Variants in PKHD1 observed in about 807,000 individuals in gnomAD.
The protein encoded by PKHD1 is PKHD1 ciliary IPT domain containing fibrocystin/polyductin.
Under a neutral mutation model 412.0 loss-of-function variants are expected in PKHD1, and 291 were observed. The observed-to-expected ratio is 0.71, with a 90% CI of 0.64 to 0.78. The LOEUF (loss-of-function observed/expected upper bound fraction) is 0.78. PKHD1 is among the 30% of genes least tolerant of loss of function. The pLI is 0.00. For synonymous variants in PKHD1, 1,777 were observed against 1,821.5 expected (o/e 0.98, Z 0.62); for missense variants, 4,825 against 4,950.7 (o/e 0.97, Z 0.76).
chr6:51,664,512 T>C (rs1023043605), intron 60 of PKHD1, among the ~76,000 whole-genome samples: 2 of 152,174 alleles, frequency 1.3e-5, no homozygotes, highest in African/African-American at 2.4e-5. Context: ...TTATGACCCA[T>C]TGGCATTTTG....
intron 60 of PKHD1, among the ~76,000 whole-genome samples, chr6:51,686,015 T>C (rs779129273): frequency 6.6e-6 from 1 of 152,126 alleles, no homozygotes; most frequent in Non-Finnish European, 1.5e-5. Context: ...TGACACTTCT[T>C]AAGTTTCTAT....
chr6:52,008,567 T>C lies in PKHD1; in HGVS notation c.5751+1742A>G, dbSNP rs538925837. 3.9e-5 allele frequency among the ~76,000 whole-genome samples: 6 copies of C among 152,228 alleles called. No homozygotes were observed. In the South Asian group the frequency reaches 1.2e-3, roughly 32 times the overall value. On this transcript the variant is annotated intron_variant, in intron 35 of 66. Transcript: ENST00000371117. ...AATTAGACTTTGAGATGATGGGAAA[T>C]TAAATAAATCTAAGAAGTGAAATGA...
In PKHD1 at chr6:51,904,050, C is replaced by A; in HGVS notation, c.6809-8G>T. 1 of 1,570,198 alleles carries A rather than the reference C, an allele frequency of 6.4e-7. No individual in the cohort carries two copies. The highest frequency in any genetic ancestry group is 1.7e-5 in the Admixed American group (1 of 59,846). On this transcript the variant is annotated splice_polypyrimidine_tract_variant and splice_region_variant and intron_variant, in intron 41 of 66. Coordinates refer to ENST00000371117, the MANE Select transcript of PKHD1 (RefSeq NM_138694.4). Reference sequence around the variant, plus strand: ...TCATCTCCGTGCATGTCCCTGAGAACAAAAGACCCCATTACTTGAGTATAT... The same window carrying A: ...TCATCTCCGTGCATGTCCCTGAGAAAAAAAGACCCCATTACTTGAGTATAT...
intron 52 of PKHD1, among the ~76,000 whole-genome samples, chr6:51,802,774 T>C (rs1763133092): frequency 6.6e-6 from 1 of 151,356 alleles, no homozygotes; most frequent in South Asian, 2.1e-4. Flanking sequence ...CAGGTCTTTT[T>C]TGAAAATAAA....
At chr6:52,050,488 G>T (rs1178311745) in intron 21 of PKHD1, among the ~76,000 whole-genome samples, 193 bp from the exon 22 acceptor site, 2 of 152,210 alleles carry the variant, frequency 1.3e-5, no homozygotes, top group Non-Finnish European at 2.9e-5. Flanking sequence ...GTACAAAAAG[G>T]AAAGTGCAAG....
intron 60 of PKHD1, among the ~76,000 whole-genome samples, chr6:51,707,634 C>T (rs1039509337): frequency 4.6e-5 from 7 of 152,096 alleles, no homozygotes; most frequent in Non-Finnish European, 1.0e-4. Flanking sequence ...AAATGTTTTA[C>T]TCTCACCATC....
In PKHD1 at chr6:52,065,070, T is replaced by C. The variant is rs773283783; in HGVS notation, c.881-20A>G. 2.9e-6 allele frequency: 4 copies of C among 1,357,140 alleles called. No individual in the cohort carries two copies. In the African/African-American group the frequency reaches 6.1e-5, roughly 21 times the overall value. 84.1% of individuals were successfully genotyped at this position (1,357,140 alleles called of 1,614,324 possible). On this transcript the variant is annotated intron_variant, in intron 12 of 66. Transcript: ENST00000371117. The stretch of plus-strand genomic sequence containing the variant: ...GAATGCCTAAAGCGAATTAAAGAAA[T>C]TTATGTATGTGTGTGTGTGTAGGTA...
intron 55 of PKHD1, among the ~76,000 whole-genome samples, chr6:51,770,934 A>G (rs185624744): frequency 2.0e-5 from 3 of 152,178 alleles, no homozygotes; most frequent in East Asian, 1.9e-4. Context: ...AGGCCACCCA[A>G]TAATGTGGGT....
At chr6:51,860,205 G>T (rs568654551) in intron 48 of PKHD1, among the ~76,000 whole-genome samples, 1 of 152,162 alleles carries the variant, frequency 6.6e-6, no homozygotes, top group Non-Finnish European at 1.5e-5. Flanking sequence ...TAAGCATTCA[G>T]ATATGCTTTC....
Position 51,617,824 on chromosome 6 carries a change from C to T in PKHD1, c.*1257G>A, listed in dbSNP as rs886061604. Reference sequence around the variant, plus strand: ...AATTCAGCAATGAAAGAGTGTGTTTCCTTTCTCTCTTCCAATGCAACTACA... The same window carrying T: ...AATTCAGCAATGAAAGAGTGTGTTTTCTTTCTCTCTTCCAATGCAACTACA... On this transcript the variant is annotated 3_prime_UTR_variant, in exon 67 of 67. Transcript: ENST00000371117. 1 of 151,758 alleles carries T rather than the reference C, an allele frequency of 6.6e-6. No individual in the cohort carries two copies. The highest frequency in any genetic ancestry group is 1.9e-4 in the East Asian group (1 of 5,180). The allele number at this position is 151,758 out of a possible 1,614,324, so 9.4% of individuals were successfully genotyped here.
chr6:51,685,181 C>T (rs986894577), intron 60 of PKHD1, among the ~76,000 whole-genome samples: 12 of 152,062 alleles, frequency 7.9e-5, no homozygotes, highest in African/African-American at 2.9e-4. Context: ...TCTTTGAGGC[C>T]ATTCAAACTG....
At chr6:51,846,853 A>G (rs953026617) in intron 50 of PKHD1, among the ~76,000 whole-genome samples, 3 of 152,164 alleles carry the variant, frequency 2.0e-5, no homozygotes, top group Non-Finnish European at 4.4e-5. Context: ...CACCTTCTAC[A>G]TAAACTTCCG....
chr6:52,062,646 G>A lies in PKHD1; in HGVS notation c.991C>T (p.Leu331Phe). ...TTPQPGNRGL[L>F]FEVGDAVEGL... is the part of the protein sequence containing the mutation. Reference sequence around the variant, plus strand: ...TCAACAGCATCTCCAACTTCAAAAAGAAGCCCTCGATTGCCTGTAAGACAT... The same window carrying A: ...TCAACAGCATCTCCAACTTCAAAAAAAAGCCCTCGATTGCCTGTAAGACAT... Residue 331 changes from leucine (L) to phenylalanine (F), a missense_variant, in exon 14 of 67, where the codon CTT (leucine) becomes TTT (phenylalanine). Physicochemically the swap from Leu to Phe is conservative, Grantham distance 22 (BLOSUM62 0). Coordinates refer to ENST00000371117, the MANE Select transcript of PKHD1 (RefSeq NM_138694.4). 6.2e-7 allele frequency: 1 copy of A among 1,614,110 alleles called. No homozygotes were observed. Among genetic ancestry groups the A allele is most frequent in the South Asian group, 1.1e-5 (1 of 91,084 alleles).
intron 57 of PKHD1, 88 bp from the exon 58 acceptor site, chr6:51,748,753 A>C (rs1248313203): frequency 1.9e-6 from 2 of 1,049,270 alleles, no homozygotes; most frequent in Non-Finnish European, 3.0e-6. Context: ...AGATATGAAC[A>C]TTTTTAATGA....
intron 48 of PKHD1, 122 bp from the exon 49 acceptor site, chr6:51,856,192 C>T (rs1472967533): frequency 1.4e-6 from 1 of 740,344 alleles, no homozygotes; most frequent in African/African-American, 1.8e-5. Context: ...TGTCTTAGGC[C>T]CTCTTTAGTT....
chr6:51,641,597 T>C (rs1769357818), intron 63 of PKHD1, among the ~76,000 whole-genome samples: 1 of 152,178 alleles, frequency 6.6e-6, no homozygotes, highest in Non-Finnish European at 1.5e-5. Flanking sequence ...TGCACATGTA[T>C]GTTTATTGCA....
chr6:52,084,291 T>C (rs572687088), intron 2 of PKHD1, among the ~76,000 whole-genome samples: 1 of 152,354 alleles, frequency 6.6e-6, no homozygotes, highest in East Asian at 1.9e-4. Flanking sequence ...CACGTCACAT[T>C]AGCACAACCA....
At chr6:51,772,500 T>C (rs919369486) in intron 55 of PKHD1, among the ~76,000 whole-genome samples, 2 of 151,968 alleles carry the variant, frequency 1.3e-5, no homozygotes, top group Non-Finnish European at 2.9e-5. Context: ...TGTTCCTCTA[T>C]TACCTTTTGC....
intron 60 of PKHD1, among the ~76,000 whole-genome samples, chr6:51,678,780 C>T (rs1776222930): frequency 6.6e-6 from 1 of 152,026 alleles, no homozygotes; most frequent in Non-Finnish European, 1.5e-5. Flanking sequence ...GCCATCATCA[C>T]CCTACACCTT....
Sources: allele counts gnomAD v4.1 joint callset (sites outside exome capture counted in the v4.1 genomes callset), GRCh38; gene constraint gnomAD v4.1.1; transcripts MANE v1.5; gene names NCBI Gene and HGNC (gene_info 2026-07-23, HGNC 2026-07-21).